The following KDM2B variants were observed in gnomAD, a reference collection of about 807,000 sequenced individuals.
KDM2B encodes the protein lysine demethylase 2B.
In KDM2B, 26 loss-of-function variants were observed where a neutral mutation model predicts 150.0. The observed-to-expected ratio is 0.17, with a 90% CI of 0.13 to 0.24. The LOEUF (loss-of-function observed/expected upper bound fraction) is 0.24, where lower values mean the gene tolerates loss of function less well. Among genes scored for constraint, KDM2B ranks in the 10% least tolerant of loss-of-function variants. The pLI is 1.00. For missense variants in KDM2B, 1,265 were observed against 1,816.9 expected, an observed-to-expected ratio of 0.70 and a Z score of 5.52; for synonymous variants, 734 against 729.5, an observed-to-expected ratio of 1.01 and a Z score of -0.10.
chr12:121,560,159 C>T (rs1044233193), intron 4 of KDM2B, among the ~76,000 whole-genome samples: 2 of 152,008 alleles, frequency 1.3e-5, no homozygotes, highest in Non-Finnish European at 2.9e-5. Context: ...GCATGAGTCA[C>T]CATGCCTGGC....
chr12:121,517,467 CTTTTCT>C (rs1177000229), intron 9 of KDM2B, among the ~76,000 whole-genome samples: 2 of 144,938 alleles, frequency 1.4e-5, no homozygotes, highest in African/African-American at 5.6e-5. Flanking sequence ...AATTCTTTTT[CTTTTCT>C]TTTTTTTTTT....
At chr12:121,512,811 C>A (rs188624947) in intron 10 of KDM2B, among the ~76,000 whole-genome samples, 69 of 152,340 alleles carry the variant, frequency 4.5e-4, no homozygotes, top group African/African-American at 1.7e-3. Context: ...CCCGCACCAC[C>A]TGCCCTGGTC....
chr12:121,488,048 G>T (rs1566328289), intron 12 of KDM2B, among the ~76,000 whole-genome samples: 1 of 152,064 alleles, frequency 6.6e-6, no homozygotes, highest in Non-Finnish European at 1.5e-5. Flanking sequence ...CTCCCAAAGT[G>T]CTGGGATTAT....
chr12:121,528,950 A>G (rs1320727474), intron 8 of KDM2B, among the ~76,000 whole-genome samples: 2 of 152,244 alleles, frequency 1.3e-5, no homozygotes, highest in Non-Finnish European at 2.9e-5. Context: ...CACTATTCCA[A>G]AAGAGAGGGA....
intron 13 of KDM2B, among the ~76,000 whole-genome samples, chr12:121,451,969 A>G (rs1189462468): frequency 6.6e-6 from 1 of 152,216 alleles, no homozygotes; most frequent in East Asian, 1.9e-4. Flanking sequence ...GGCCATAAAA[A>G]AAAAGGAAAT....
chr12:121,494,584 G>A lies in KDM2B; in HGVS notation c.1729C>T (p.Pro577Ser). ...GCAGGCAGGCTGCGTCTTACCTTTG[G>A]AGTCTTCTTTGGCCAAGTCACCACA... ...VPVVTWPKKTPKNRAVGRPKG... is the reference protein window; with the variant it reads ...VPVVTWPKKTSKNRAVGRPKG... The change falls in exon 12 of 23, where the codon CCA (proline) becomes TCA (serine). Residue 577 changes from proline to serine, a missense_variant. Physicochemically the swap from Pro to Ser is moderately conservative, Grantham distance 74 (BLOSUM62 -1). This residue lies in a region of KDM2B where 69 missense variants were observed against 85.7 expected (regional missense o/e 0.81). Coordinates refer to ENST00000377071, the MANE Select transcript of KDM2B (RefSeq NM_032590.5). The A allele has an allele frequency of 2.5e-6, 4 of 1,612,696 alleles. No individual in the cohort carries two copies. The East Asian group carries it at 8.9e-5, about 36-fold the overall frequency.
At chr12:121,417,595 A>G in the KDM2B span, 1 of 1,614,198 alleles carries the variant, frequency 6.2e-7, no homozygotes, top group Non-Finnish European at 8.5e-7. The surrounding 1 kb of genome is among the most constrained non-coding windows in gnomAD (Gnocchi z 5.0). Flanking sequence ...CACTTATTAC[A>G]AGAGACAGCA....
chr12:121,435,037 G>GAA (rs113742352), intron 22 of KDM2B, among the ~76,000 whole-genome samples: 47,095 of 138,958 alleles, frequency 0.34, 8,448 homozygotes, highest in East Asian at 0.39. Context: ...CCAACAAAGG[G>GAA]AAAAAAAAAA....
the KDM2B span, chr12:121,420,658 C>T: frequency 6.2e-7 from 1 of 1,614,014 alleles, no homozygotes; most frequent in South Asian, 1.1e-5. Flanking sequence ...AATGAGCGTG[C>T]GCCAGCTGAA....
chr12:121,443,837 C>T, intron 16 of KDM2B, 44 bp from the exon 17 acceptor site: 1 of 1,414,698 alleles, frequency 7.1e-7, no homozygotes, highest in East Asian at 2.3e-5. Flanking sequence ...CGCTGGTTTT[C>T]CCCTCCTTTC....
At chr12:121,524,456 G>C (rs1255836094) in intron 8 of KDM2B, among the ~76,000 whole-genome samples, 1 of 152,180 alleles carries the variant, frequency 6.6e-6, no homozygotes, top group African/African-American at 2.4e-5. Context: ...TGCGAGGAGG[G>C]GGCAGGGGAT....
At chr12:121,551,427 C>T (rs1555311777) in intron 4 of KDM2B, among the ~76,000 whole-genome samples, 1 of 151,214 alleles carries the variant, frequency 6.6e-6, no homozygotes, top group Non-Finnish European at 1.5e-5. Context: ...CTCACTGCAG[C>T]CTCAACCTCC....
At chr12:121,494,735 G>A in intron 11 of KDM2B, 70 bp from the exon 12 acceptor site, 2 of 1,192,638 alleles carry the variant, frequency 1.7e-6, no homozygotes, top group Admixed American at 2.3e-5. Flanking sequence ...CTGAACAGCA[G>A]ACATAGTCCA....
chr12:121,500,201 A>T (rs1423456435), intron 11 of KDM2B, among the ~76,000 whole-genome samples: 1 of 152,056 alleles, frequency 6.6e-6, no homozygotes, highest in Admixed American at 6.6e-5. Context: ...GAATCATGTC[A>T]CTGGCTTCCC....
chr12:121,509,279 G>T (rs1555303437), intron 11 of KDM2B, among the ~76,000 whole-genome samples: 1 of 151,464 alleles, frequency 6.6e-6, no homozygotes, highest in African/African-American at 2.4e-5. Context: ...AGCCAGGCTG[G>T]TCTTGAACTC....
intron 19 of KDM2B, 135 bp from the exon 20 acceptor site, chr12:121,441,368 T>A: frequency 1.3e-6 from 1 of 770,950 alleles, no homozygotes. Flanking sequence ...CTTCTCTATG[T>A]AGCACCTATC....
intron 12 of KDM2B, among the ~76,000 whole-genome samples, chr12:121,477,508 T>G (rs1881512969): frequency 6.7e-6 from 1 of 150,030 alleles, no homozygotes; most frequent in Non-Finnish European, 1.5e-5. Flanking sequence ...CTTAGCCTCC[T>G]GAGGAGCTAG....
Position 121,444,117 on chromosome 12 carries a change from C to G in KDM2B, c.2346G>C (p.Ser782=), listed in dbSNP as rs544791805. 3.7e-6 allele frequency: 6 copies of G among 1,613,544 alleles called. No homozygotes were observed. The highest frequency in any genetic ancestry group is 5.1e-6 in the Non-Finnish European group (6 of 1,180,050). The change falls in exon 16 of 23, where the codon TCG becomes TCC. Residue 782 remains serine (S), a synonymous_variant. Coordinates refer to ENST00000377071, the MANE Select transcript of KDM2B (RefSeq NM_032590.5). The stretch of plus-strand genomic sequence containing the variant: ...GAAGGCCGTCCGGCGGCACCTTCTT[C>G]GAGTGCTCATCCGACCTGCGCCGGG... ...EAPRRRSDEH[S]KKVPPDGLLR...
rs200692959 is a variant in KDM2B, at chr12:121,510,044, G to C, written c.1175-5C>G. ...TGCTGGGCTTCCTCGGGGCATCTGT[G>C]GGGGCAGGGTCACAAGAAAGACCGA... On this transcript the variant is annotated splice_polypyrimidine_tract_variant and splice_region_variant and intron_variant, in intron 10 of 22. Coordinates refer to ENST00000377071, the MANE Select transcript of KDM2B (RefSeq NM_032590.5). 12 of 1,537,088 alleles carry C rather than the reference G, an allele frequency of 7.8e-6. No individual in the cohort carries two copies. The African/African-American group carries it at 8.3e-5, about 11-fold the overall frequency.
Sources: allele counts gnomAD v4.1 joint callset (sites outside exome capture counted in the v4.1 genomes callset), GRCh38; gene constraint gnomAD v4.1.1; regional missense constraint gnomAD v4.1.1; non-coding constraint Gnocchi (gnomAD v3.1); transcripts MANE v1.5; gene names NCBI Gene and HGNC (gene_info 2026-07-23, HGNC 2026-07-21).